The following NCK2 variants were observed in gnomAD, a reference collection of about 807,000 sequenced individuals.
NCK2 encodes cytoplasmic protein NCK2.
A neutral mutation model predicts 33.9 loss-of-function variants in NCK2; 16 were observed. That is an observed-to-expected ratio of 0.47 (90% CI 0.32 to 0.72). The LOEUF (loss-of-function observed/expected upper bound fraction) is 0.72. Ranked by LOEUF, NCK2 falls within the 30% of genes least tolerant of loss-of-function variation. The pLI, the probability that NCK2 is intolerant of heterozygous loss-of-function variation, is 0.03. For missense variants in NCK2, 418 were observed against 537.3 expected (o/e 0.78, Z 2.19); for synonymous variants, 273 against 239.9 (o/e 1.14, Z -1.27).
chr2:105,854,186 T>C (rs937320480), intron 2 of NCK2, among the ~76,000 whole-genome samples: 10 of 152,206 alleles, frequency 6.6e-5, no homozygotes, highest in Admixed American at 3.9e-4. Context: ...GCTTGATAGC[T>C]CATTTCTTTT....
chr2:105,757,094 C>G (rs907919898), intron 1 of NCK2, among the ~76,000 whole-genome samples: 1 of 152,138 alleles, frequency 6.6e-6, no homozygotes, highest in African/African-American at 2.4e-5. Context: ...TGTGAGCCAC[C>G]GCGCCTGGCC....
chr2:105,801,593 A>G (rs1674843216), intron 1 of NCK2, among the ~76,000 whole-genome samples: 1 of 151,564 alleles, frequency 6.6e-6, no homozygotes, highest in African/African-American at 2.4e-5. Context: ...AGGGGGAGGG[A>G]TGGTCTGACC....
intron 1 of NCK2, among the ~76,000 whole-genome samples, chr2:105,771,158 G>A (rs1048385202): frequency 2.0e-5 from 3 of 151,922 alleles, no homozygotes; most frequent in Non-Finnish European, 4.4e-5. Flanking sequence ...TCCTGACCTC[G>A]TGATCCGCCT....
intron 4 of NCK2, among the ~76,000 whole-genome samples, chr2:105,883,745 T>C (rs990829026): frequency 6.6e-5 from 10 of 152,250 alleles, no homozygotes; most frequent in African/African-American, 2.4e-4. Flanking sequence ...AGTTGTCTTA[T>C]ATTGTTAGAG....
chr2:105,833,047 A>T (rs1418253450), intron 2 of NCK2, among the ~76,000 whole-genome samples: 2 of 132,584 alleles, frequency 1.5e-5, no homozygotes, highest in African/African-American at 2.8e-5. Flanking sequence ...GCTCATTATT[A>T]GTTTGTTCAG....
At chr2:105,870,378 C>T (rs1158324351) in intron 3 of NCK2, among the ~76,000 whole-genome samples, 1 of 152,228 alleles carries the variant, frequency 6.6e-6, no homozygotes, top group Non-Finnish European at 1.5e-5. Context: ...TCCCTGCCAT[C>T]CTGTGGCAGT....
At position 105,859,752 on chromosome 2, in the gene NCK2, T is replaced by C. The variant is rs529426078; in HGVS notation, c.226+4463T>C. Among the ~76,000 whole-genome samples, 182 of 152,258 alleles carry C rather than the reference T, an allele frequency of 1.2e-3. 1 individual carries two copies. The highest frequency in any genetic ancestry group is 4.2e-3 in the African/African-American group (176 of 41,552). ...ACAGCTGTAGGATTGTTACGTAAGA[T>C]CCAAAAGCAGTGAAAAGCAACACTT... On this transcript the variant is annotated intron_variant, in intron 3 of 4. Coordinates refer to ENST00000233154, the MANE Select transcript of NCK2 (RefSeq NM_003581.5).
chr2:105,834,746 T>C (rs1445511821), intron 2 of NCK2, among the ~76,000 whole-genome samples: 1 of 152,184 alleles, frequency 6.6e-6, no homozygotes, highest in African/African-American at 2.4e-5. Context: ...TAGCTCCCTG[T>C]AGCCTTGAAC....
At chr2:105,772,895 A>ATTTTTTT (rs34721498) in intron 1 of NCK2, among the ~76,000 whole-genome samples, 1 of 133,120 alleles carries the variant, frequency 7.5e-6, no homozygotes, top group African/African-American at 2.8e-5. Flanking sequence ...ACGTGTCCAC[A>ATTTTTTT]TTTTTTTTTT....
chr2:105,844,764 A>ATATATT (rs1162109699), intron 2 of NCK2, among the ~76,000 whole-genome samples: 23 of 146,852 alleles, frequency 1.6e-4, no homozygotes, highest in African/African-American at 5.5e-4. Flanking sequence ...ATATATATAT[A>ATATATT]TATATGTATG....
At chr2:105,816,308 AAAAT>A (rs1211742989) in intron 1 of NCK2, 118 bp from the exon 2 acceptor site, 1 of 152,236 alleles carries the variant, frequency 6.6e-6, no homozygotes, top group African/African-American at 2.4e-5. Flanking sequence ...CTGTCTCAAA[AAAAT>A]AAATAAATAA....
At chr2:105,785,462 G>A (rs1405916641) in intron 1 of NCK2, among the ~76,000 whole-genome samples, 1 of 152,188 alleles carries the variant, frequency 6.6e-6, no homozygotes, top group African/African-American at 2.4e-5. Flanking sequence ...CTGCTATTCA[G>A]AAAGATAGAG....
At chr2:105,745,332 T>C (rs1689242883) in intron 1 of NCK2, among the ~76,000 whole-genome samples, 194 bp downstream of exon 1, 1 of 151,574 alleles carries the variant, frequency 6.6e-6, no homozygotes, top group African/African-American at 2.4e-5. Flanking sequence ...GCCGGGCACC[T>C]CCCGGCTCTG....
chr2:105,828,645 G>A (rs763360828), intron 2 of NCK2, among the ~76,000 whole-genome samples: 9 of 152,324 alleles, frequency 5.9e-5, no homozygotes, highest in Non-Finnish European at 5.9e-5. Context: ...CACTAACCCT[G>A]GGGTCAAGAG....
intron 1 of NCK2, among the ~76,000 whole-genome samples, chr2:105,776,607 G>C (rs1173756970): frequency 1.3e-5 from 2 of 152,168 alleles, no homozygotes; most frequent in Non-Finnish European, 2.9e-5. Context: ...AAAGGAACTT[G>C]TGGATTTTCT....
intron 2 of NCK2, among the ~76,000 whole-genome samples, chr2:105,827,127 G>A (rs1266146951): frequency 6.6e-6 from 1 of 152,032 alleles, no homozygotes; most frequent in Non-Finnish European, 1.5e-5. Context: ...AGCCTCCTGA[G>A]TAGCTGGGAC....
chr2:105,829,915 TTC>T (rs1676101136), intron 2 of NCK2, among the ~76,000 whole-genome samples: 1 of 142,346 alleles, frequency 7.0e-6, no homozygotes, highest in African/African-American at 3.0e-5. Context: ...TAGTCATTCA[TTC>T]TCTTTTTGTT....
chr2:105,746,430 G>T (rs1314924425), intron 1 of NCK2, among the ~76,000 whole-genome samples: 1 of 152,222 alleles, frequency 6.6e-6, no homozygotes, highest in East Asian at 1.9e-4. Context: ...TGTTTTTCAT[G>T]CCTCTGTTTT....
At chr2:105,863,982 G>C (rs770260084) in intron 3 of NCK2, among the ~76,000 whole-genome samples, 5 of 144,806 alleles carry the variant, frequency 3.5e-5, no homozygotes, top group Admixed American at 1.4e-4. Flanking sequence ...GGGGGGGTGG[G>C]GTCTCACTTG....
Sources: allele counts gnomAD v4.1 joint callset (sites outside exome capture counted in the v4.1 genomes callset), GRCh38; gene constraint gnomAD v4.1.1; transcripts MANE v1.5; gene names NCBI Gene and HGNC (gene_info 2026-07-23, HGNC 2026-07-21).